Variants in TMC4 observed in about 807,000 individuals in gnomAD.
TMC4 encodes the protein transmembrane channel like 4, also known as voltage-gated chloride channel TMC4.
A neutral mutation model predicts 82.0 loss-of-function variants in TMC4; 70 were observed. The ratio of observed to expected loss-of-function variants is 0.85; its 90% confidence interval spans 0.70 to 1.04. The LOEUF is 1.04. Ranked by LOEUF, TMC4 falls within the 50% of genes least tolerant of loss-of-function variation. The pLI, the probability that TMC4 is intolerant of heterozygous loss-of-function variation, is 0.00. For missense variants in TMC4, 879 were observed against 899.0 expected (o/e 0.98, Z 0.28); for synonymous variants, 446 against 406.0 (o/e 1.10, Z -1.18).
rs1371736341 is a variant in TMC4, at chr19:54,160,231, C to A, written c.*75G>T. On this transcript the variant is annotated 3_prime_UTR_variant, in exon 15 of 15. Coordinates refer to ENST00000619895, the MANE Select transcript of TMC4 (RefSeq NM_144686.4). ...GAAGGGCGTGGAGTCTTCTCCAGTT[C>A]TCCTAGTTTACAGATGTTGTGACCT... 4.9e-6 allele frequency: 7 copies of A among 1,438,932 alleles called. No homozygotes were observed. In the East Asian group the frequency reaches 1.2e-4, roughly 24 times the overall value. The allele number at this position is 1,438,932 out of a possible 1,614,324, so 89.1% of individuals were successfully genotyped here. A position where few individuals can be genotyped will look rare whatever the true frequency, so the allele number is the denominator to read the frequency against.
intron 11 of TMC4, 74 bp downstream of exon 11, chr19:54,162,028 T>C: frequency 7.4e-7 from 1 of 1,359,674 alleles, no homozygotes; most frequent in Non-Finnish European, 1.0e-6. Flanking sequence ...CCCAGGATCT[T>C]CCTTGCCCTT....
chr19:54,164,033 G>C, intron 7 of TMC4, 146 bp from the exon 8 acceptor site: 1 of 918,598 alleles, frequency 1.1e-6, no homozygotes, highest in Non-Finnish European at 1.6e-6. Context: ...AGAATGCAGC[G>C]GTGCGATCTC....
At chr19:54,162,389 TGGG>T (rs779701144) in intron 10 of TMC4, 104 bp from the exon 11 acceptor site, 10,501 of 253,922 alleles carry the variant, frequency 0.041, 287 homozygotes, top group African/African-American at 0.14. Context: ...GTATTGGTGG[TGGG>T]GGGGGGGGGG....
In TMC4 at chr19:54,161,467, G is replaced by A. The variant is rs149108317; in HGVS notation, c.1687-207C>T. Among the ~76,000 whole-genome samples the A allele has an allele frequency of 9.4e-3, 1,414 of 150,592 alleles. 17 individuals are homozygous for A. The highest frequency in any genetic ancestry group is 0.031 in the African/African-American group (1,258 of 40,778). On this transcript the variant is annotated intron_variant, in intron 11 of 14. Coordinates refer to ENST00000619895, the MANE Select transcript of TMC4 (RefSeq NM_144686.4). ...GGGTTCAAGCTATTCTCGTGTCTCA[G>A]CCTCCCGAGTAGCTGGGATTACAGG... is the stretch of plus-strand genomic sequence containing the variant.
At chr19:54,168,724 C>A (rs558206618) in intron 3 of TMC4, 44 bp from the exon 4 acceptor site, 2 of 1,355,202 alleles carry the variant, frequency 1.5e-6, no homozygotes, top group Non-Finnish European at 9.7e-7. Context: ...TTCCCGGGAG[C>A]AGGACCAGCC....
Position 54,169,669 on chromosome 19 carries a change from G to A in TMC4, c.294-9C>T, listed in dbSNP as rs1337148490. On this transcript the variant is annotated splice_polypyrimidine_tract_variant and intron_variant, in intron 2 of 14. Coordinates refer to ENST00000619895, the MANE Select transcript of TMC4 (RefSeq NM_144686.4). ...TGCTGGCATTTCTTTGCCTGGGAGG[G>A]AAACAGGCAGAAAATGAGGGGTTTC... The A allele has an allele frequency of 6.2e-7, 1 of 1,612,452 alleles. No individual in the cohort carries two copies. The highest frequency in any genetic ancestry group is 1.3e-5 in the African/African-American group (1 of 74,824).
In TMC4 at chr19:54,162,097, C is replaced by A; in HGVS notation, c.1686+5G>T. 1.2e-6 allele frequency: 2 copies of A among 1,609,166 alleles called. No homozygotes were observed. Among genetic ancestry groups the A allele is most frequent in the South Asian group, 2.2e-5 (2 of 90,342 alleles). ...TCAGACCCAAGGGTCCCCCCTACCCCTTACCTTCTTCAGGTAGAAAAGCAG... is the reference window on the plus strand; with the variant it reads ...TCAGACCCAAGGGTCCCCCCTACCCATTACCTTCTTCAGGTAGAAAAGCAG... On this transcript the variant is annotated splice_donor_5th_base_variant and intron_variant, in intron 11 of 14. Coordinates refer to ENST00000619895, the MANE Select transcript of TMC4 (RefSeq NM_144686.4).
Position 54,172,763 on chromosome 19 carries a change from G to A in TMC4, c.79+276C>T, listed in dbSNP as rs544718473. 1.7e-5 allele frequency: 7 copies of A among 411,210 alleles called. No homozygotes were observed. In the South Asian group the frequency reaches 2.5e-4, roughly 14 times the overall value. 25.5% of individuals were successfully genotyped at this position (411,210 alleles called of 1,614,324 possible). On this transcript the variant is annotated intron_variant, in intron 1 of 14. Coordinates refer to ENST00000619895, the MANE Select transcript of TMC4 (RefSeq NM_144686.4). ...TAACTTCCTTTTCCCTCTAGCTCAG[G>A]AGTGTGGGAACCCAGCCTCTCCTAT...
At position 54,168,306 on chromosome 19, in the gene TMC4, G is replaced by C. The variant is rs1228792541; in HGVS notation, c.676-14C>G. On this transcript the variant is annotated splice_polypyrimidine_tract_variant and intron_variant, in intron 4 of 14. Transcript: ENST00000619895. ...TTCCAGGTAACCCTGTGGGGGGAAGGCGGCGCAGGGGCCACTGTGGGAGGA... is the reference window on the plus strand; with the variant it reads ...TTCCAGGTAACCCTGTGGGGGGAAGCCGGCGCAGGGGCCACTGTGGGAGGA... The C allele has an allele frequency of 1.3e-6, 2 of 1,549,406 alleles. No homozygotes were observed. Among genetic ancestry groups the C allele is most frequent in the Non-Finnish European group, 1.7e-6 (2 of 1,146,032 alleles).
At position 54,171,136 on chromosome 19, in the gene TMC4, T is replaced by TCCCCCCCC. The variant is rs563268750; in HGVS notation, c.293+733_293+734insGGGGGGGG. On this transcript the variant is annotated intron_variant, in intron 2 of 14. Transcript: ENST00000619895. The stretch of plus-strand genomic sequence containing the variant: ...ATACGCATATATATTTGAGATGGAG[T>TCCCCCCCC]CCCGCTCTATCACCCAGGCCGGAGT... Among the ~76,000 whole-genome samples the TCCCCCCCC allele has an allele frequency of 1.0e-3, 33 of 32,810 alleles. 2 individuals are homozygous for TCCCCCCCC. The South Asian group carries it at 0.019, about 19-fold the overall frequency. 21.5% of individuals were successfully genotyped at this position (32,810 alleles called of 152,430 possible).
Position 54,160,694 on chromosome 19 carries a change from T to A in TMC4, c.1974-149A>T, listed in dbSNP as rs2075521648. The stretch of plus-strand genomic sequence containing the variant: ...GTCTCCCAGCCCCTCCGCCTTCAGA[T>A]CCAGGAGTCCTACGTCCCGCCCACC... On this transcript the variant is annotated intron_variant, in intron 13 of 14. Transcript: ENST00000619895. 4.8e-6 allele frequency: 7 copies of A among 1,451,626 alleles called. No individual in the cohort carries two copies. The South Asian group carries it at 9.0e-5, about 19-fold the overall frequency. 89.9% of individuals were successfully genotyped at this position (1,451,626 alleles called of 1,614,324 possible). A position where few individuals can be genotyped will look rare whatever the true frequency, so the allele number is the denominator to read the frequency against.
chr19:54,163,496 C>A (rs1381681606), intron 8 of TMC4, among the ~76,000 whole-genome samples: 1 of 151,662 alleles, frequency 6.6e-6, no homozygotes, highest in Non-Finnish European at 1.5e-5. Context: ...TTACTACAGA[C>A]GGGGTTTCAT....
chr19:54,171,634 G>A (rs747492652), intron 2 of TMC4, among the ~76,000 whole-genome samples: 56 of 152,134 alleles, frequency 3.7e-4, no homozygotes, highest in Non-Finnish European at 6.8e-4. Flanking sequence ...CCAGGGAGAC[G>A]GCAAATCCCA....
rs1210599304 is a variant in TMC4 at position 54,172,001 on chromosome 19, C to T, written c.162G>A (p.Gly54=). The T allele has an allele frequency of 2.5e-6, 4 of 1,595,820 alleles. No individual in the cohort carries two copies. Among genetic ancestry groups the T allele is most frequent in the Non-Finnish European group, 3.4e-6 (4 of 1,178,812 alleles). The change falls in exon 2 of 15, where the codon GGG becomes GGA. Residue 54 remains glycine, a synonymous_variant. Transcript: ENST00000619895. ...CATCCTCCTCCTCCTCCTCCAGCGC[C>T]CCCCAAGGCAGCACCCCAGGGTCTC... ...RYRDPGVLPW[G]ALEEEEEDGG...
intron 2 of TMC4, 80 bp downstream of exon 2, chr19:54,171,790 G>C (rs2075895996): frequency 7.5e-7 from 1 of 1,337,938 alleles, no homozygotes; most frequent in African/African-American, 1.5e-5. Flanking sequence ...GCAGAGGACA[G>C]AGGGAGGAGA....
intron 2 of TMC4, among the ~76,000 whole-genome samples, chr19:54,170,627 TTTTAA>T (rs1167531661): frequency 8.1e-6 from 1 of 122,998 alleles, no homozygotes; most frequent in Non-Finnish European, 1.8e-5. Flanking sequence ...TTTTATTTTA[TTTTAA>T]TTTTTATCTG....
In TMC4 at chr19:54,160,587, C is replaced by G. The variant is rs1487598909; in HGVS notation, c.1974-42G>C. 5 of 1,613,366 alleles carry G rather than the reference C, an allele frequency of 3.1e-6. No individual in the cohort carries two copies. The African/African-American group carries it at 6.7e-5, about 22-fold the overall frequency. ...CGGAAGCCACTCCTGACACGCTCTTCCATTATATCCAAACGTCTGGCTCCT... is the reference window on the plus strand; with the variant it reads ...CGGAAGCCACTCCTGACACGCTCTTGCATTATATCCAAACGTCTGGCTCCT... On this transcript the variant is annotated intron_variant, in intron 13 of 14. Transcript: ENST00000619895.
intron 10 of TMC4, 69 bp from the exon 11 acceptor site, chr19:54,162,354 CCCCG>C: frequency 1.6e-6 from 2 of 1,215,482 alleles, no homozygotes; most frequent in Non-Finnish European, 1.1e-6. Context: ...GCCTCCACCG[CCCCG>C]CCCGCCAATA....
chr19:54,163,120 G>GAGC lies in TMC4; in HGVS notation c.1314_1316dup (p.Leu439dup), dbSNP rs776451151. The GAGC allele has an allele frequency of 6.2e-7, 1 of 1,613,904 alleles. No homozygotes were observed. Among genetic ancestry groups the GAGC allele is most frequent in the Non-Finnish European group, 8.5e-7 (1 of 1,179,966 alleles). On this transcript the variant is annotated inframe_insertion, in exon 9 of 15. Coordinates refer to ENST00000619895, the MANE Select transcript of TMC4 (RefSeq NM_144686.4). ...AAGTGATCTGATTCCAGAGAGAGAA[G>GAGC]AGCAGGACCACCAGGGAGGCGAGGC... is the stretch of plus-strand genomic sequence containing the variant.
Sources: gnomAD v4.1 joint callset for allele counts (sites outside exome capture counted in the v4.1 genomes callset) on GRCh38, gnomAD v4.1.1 for gene constraint, MANE v1.5 for transcripts, NCBI Gene and HGNC (gene_info 2026-07-23, HGNC 2026-07-21) for gene names.